Variants in RERE observed in about 807,000 individuals in gnomAD.
RERE encodes arginine-glutamic acid dipeptide repeats, also known as arginine-glutamic acid dipeptide repeats protein.
A neutral mutation model predicts 146.1 loss-of-function variants in RERE; 40 were observed. The ratio of observed to expected loss-of-function variants is 0.27; its 90% CI spans 0.21 to 0.36. The LOEUF is 0.36. Among genes scored for constraint, RERE ranks in the 10% least tolerant of loss-of-function variants. RERE has a pLI of 1.00. For synonymous variants in RERE, 1,003 were observed against 866.0 expected (o/e 1.16, Z -2.78); for missense variants, 1,933 against 2,138.7 (o/e 0.90, Z 1.90).
chr1:8,774,829 T>C (rs1048396583), intron 1 of RERE, among the ~76,000 whole-genome samples: 2 of 152,082 alleles, frequency 1.3e-5, no homozygotes, highest in Non-Finnish European at 2.9e-5. Flanking sequence ...GTATTTTAAC[T>C]CCTCAATAGT....
At chr1:8,719,024 C>T (rs1639812082) in intron 1 of RERE, among the ~76,000 whole-genome samples, 1 of 152,110 alleles carries the variant, frequency 6.6e-6, no homozygotes, top group African/African-American at 2.4e-5. Context: ...GGTGGTAATT[C>T]ATTATTTGTC....
chr1:8,639,252 G>C (rs1296883179), intron 2 of RERE, among the ~76,000 whole-genome samples: 1 of 152,200 alleles, frequency 6.6e-6, no homozygotes, highest in Non-Finnish European at 1.5e-5. Flanking sequence ...TCATGTATCA[G>C]ATGCCACAGC....
chr1:8,739,177 T>C (rs1640259801), intron 1 of RERE, among the ~76,000 whole-genome samples: 1 of 152,308 alleles, frequency 6.6e-6, no homozygotes, highest in Non-Finnish European at 1.5e-5. Context: ...ACATAAAATA[T>C]AGTAGCAAAT....
chr1:8,502,832 G>C (rs1439679341), intron 8 of RERE, among the ~76,000 whole-genome samples: 1 of 148,472 alleles, frequency 6.7e-6, no homozygotes, highest in East Asian at 2.0e-4. Flanking sequence ...TCCACTCAGG[G>C]TTAAATGGAT....
At chr1:8,597,718 C>G (rs564549515) in intron 4 of RERE, among the ~76,000 whole-genome samples, 1 of 152,082 alleles carries the variant, frequency 6.6e-6, no homozygotes, top group East Asian at 1.9e-4. Context: ...AAGATCTGAT[C>G]TGGACAATAG....
intron 1 of RERE, among the ~76,000 whole-genome samples, chr1:8,667,181 T>G (rs1022313898): frequency 1.3e-5 from 2 of 152,122 alleles, no homozygotes; most frequent in African/African-American, 4.8e-5. Context: ...CAAAAAGACA[T>G]ACTAATAACA....
intron 12 of RERE, among the ~76,000 whole-genome samples, chr1:8,374,880 A>C: frequency 6.7e-6 from 1 of 150,186 alleles, no homozygotes; most frequent in African/African-American, 2.5e-5. Flanking sequence ...TACCACCCCC[A>C]CCTCCTCCTC....
At chr1:8,750,258 G>A (rs1443694763) in intron 1 of RERE, among the ~76,000 whole-genome samples, 5 of 152,046 alleles carry the variant, frequency 3.3e-5, no homozygotes, top group African/African-American at 1.2e-4. Context: ...GTAGTCAGTA[G>A]TCAATGTGTT....
intron 12 of RERE, among the ~76,000 whole-genome samples, chr1:8,417,990 T>A (rs1570191783): frequency 6.6e-6 from 1 of 152,094 alleles, no homozygotes; most frequent in African/African-American, 2.4e-5. Flanking sequence ...ACACCGCCCC[T>A]CCAATTAGCT....
intron 2 of RERE, among the ~76,000 whole-genome samples, chr1:8,653,382 C>T (rs1647729119): frequency 6.6e-6 from 1 of 152,148 alleles, no homozygotes; most frequent in South Asian, 2.1e-4. Context: ...TAAATCTTTC[C>T]TTATACTGAA....
At chr1:8,647,446 C>T (rs1388653866) in intron 2 of RERE, among the ~76,000 whole-genome samples, 1 of 152,112 alleles carries the variant, frequency 6.6e-6, no homozygotes, top group Non-Finnish European at 1.5e-5. Flanking sequence ...TTAAGCTCTG[C>T]CTAAAGATGC....
intron 8 of RERE, among the ~76,000 whole-genome samples, chr1:8,499,890 C>A (rs1351934044): frequency 1.3e-5 from 2 of 152,210 alleles, no homozygotes; most frequent in East Asian, 1.9e-4. Flanking sequence ...GAGGCCGAGG[C>A]GGGCAGATCA....
intron 1 of RERE, among the ~76,000 whole-genome samples, chr1:8,804,172 T>C (rs969203832): frequency 6.6e-6 from 1 of 152,156 alleles, no homozygotes; most frequent in Non-Finnish European, 1.5e-5. Context: ...TAATTATTCC[T>C]ACAATAATGA....
chr1:8,459,010 C>A (rs301809), intron 11 of RERE, among the ~76,000 whole-genome samples: 44 of 152,324 alleles, frequency 2.9e-4, no homozygotes, highest in African/African-American at 1.0e-3. Context: ...ATTGACAGAA[C>A]TGACTGCCTT....
At chr1:8,716,399 G>A (rs550269364) in intron 1 of RERE, among the ~76,000 whole-genome samples, 2 of 152,044 alleles carry the variant, frequency 1.3e-5, no homozygotes, top group Admixed American at 6.6e-5. Context: ...GAGCCTGGGA[G>A]GTCAAGGCTG....
intron 1 of RERE, among the ~76,000 whole-genome samples, chr1:8,759,838 TACACACAC>T (rs369646175): frequency 2.5e-4 from 35 of 142,318 alleles, no homozygotes; most frequent in African/African-American, 7.5e-4. Context: ...ACTCTCTCTA[TACACACAC>T]ACACACACAC....
At chr1:8,702,456 C>A (rs1639473367) in intron 1 of RERE, among the ~76,000 whole-genome samples, 1 of 152,208 alleles carries the variant, frequency 6.6e-6, no homozygotes, top group Non-Finnish European at 1.5e-5. Flanking sequence ...AGGAAGACAG[C>A]ATCCCACACT....
At chr1:8,742,791 C>G (rs1640335832) in intron 1 of RERE, among the ~76,000 whole-genome samples, 1 of 150,444 alleles carries the variant, frequency 6.6e-6, no homozygotes, top group South Asian at 2.1e-4. Context: ...TCACCTGAAC[C>G]TGGGAGGTTG....
chr1:8,734,806 G>A (rs756252691), intron 1 of RERE, among the ~76,000 whole-genome samples: 65 of 152,216 alleles, frequency 4.3e-4, no homozygotes, highest in African/African-American at 1.5e-3. Flanking sequence ...CACCAACACT[G>A]TTTTATGCTT....
Sources: gnomAD v4.1 joint callset for allele counts (sites outside exome capture counted in the v4.1 genomes callset) on GRCh38, gnomAD v4.1.1 for gene constraint, MANE v1.5 for transcripts, NCBI Gene and HGNC (gene_info 2026-07-23, HGNC 2026-07-21) for gene names.